Variants in ST6GAL1 observed in about 807,000 individuals in gnomAD.
ST6GAL1 encodes ST6 beta-galactoside alpha-2,6-sialyltransferase 1, also known as beta-galactoside alpha-2,6-sialyltransferase 1.
A neutral mutation model predicts 38.0 loss-of-function variants in ST6GAL1; 20 were observed. The ratio of observed to expected loss-of-function variants is 0.53; its 90% CI spans 0.37 to 0.77. The LOEUF (loss-of-function observed/expected upper bound fraction) is 0.77. Among genes scored for constraint, ST6GAL1 ranks in the 30% least tolerant of loss-of-function variants. The pLI, the probability that ST6GAL1 is intolerant of heterozygous loss-of-function variation, is 0.00. For synonymous variants in ST6GAL1, 196 were observed against 188.2 expected, an observed-to-expected ratio of 1.04 and a Z score of -0.34; for missense variants, 432 against 496.4, an observed-to-expected ratio of 0.87 and a Z score of 1.23.
intron 2 of ST6GAL1, among the ~76,000 whole-genome samples, chr3:187,007,151 A>G (rs1560160389): frequency 6.6e-6 from 1 of 152,234 alleles, no homozygotes; most frequent in African/African-American, 2.4e-5. Context: ...CACGATGAAC[A>G]TGGATTTGCA....
At position 187,064,576 on chromosome 3, in the gene ST6GAL1, C is replaced by T; in HGVS notation, c.706-8273C>T. 2 of 456,728 alleles carry T rather than the reference C, an allele frequency of 4.4e-6. 1 individual carries two copies. The highest frequency in any genetic ancestry group is 3.1e-5 in the South Asian group (2 of 64,576). The allele number at this position is 456,728 out of a possible 1,614,324, so 28.3% of individuals were successfully genotyped here. A position where few individuals can be genotyped will look rare whatever the true frequency, so the allele number is the denominator to read the frequency against. ...GGAAGGTGGCCCACTTCCCGGGATA[C>T]ACTACCCACCCTCAAGAGAGCCTTT... On this transcript the variant is annotated intron_variant, in intron 5 of 7. Transcript: ENST00000169298.
At chr3:186,943,575 G>T (rs1714255495) in intron 1 of ST6GAL1, among the ~76,000 whole-genome samples, 1 of 152,068 alleles carries the variant, frequency 6.6e-6, no homozygotes, top group African/African-American at 2.4e-5. Context: ...TCAGCCTCCT[G>T]AGTAGCTGGG....
chr3:187,042,683 T>A lies in ST6GAL1; in HGVS notation c.-21T>A, dbSNP rs2108580158. 6.4e-7 allele frequency: 1 copy of A among 1,567,470 alleles called. No individual in the cohort carries two copies. The highest frequency in any genetic ancestry group is 2.2e-5 in the East Asian group (1 of 44,544). Reference sequence around the variant, plus strand: ...GTTTTCCTGCTCAGAACAAAGTGACTTCCCTGAACACATCTTCATTATGAT... The same window carrying A: ...GTTTTCCTGCTCAGAACAAAGTGACATCCCTGAACACATCTTCATTATGAT... On this transcript the variant is annotated 5_prime_UTR_variant, in exon 4 of 8. Coordinates refer to ENST00000169298, the MANE Select transcript of ST6GAL1 (RefSeq NM_173216.2).
At chr3:187,034,227 A>C (rs1413286876) in intron 2 of ST6GAL1, among the ~76,000 whole-genome samples, 1 of 152,190 alleles carries the variant, frequency 6.6e-6, no homozygotes, top group Non-Finnish European at 1.5e-5. Context: ...AAACCTGAAC[A>C]GACCAATATC....
At chr3:186,962,328 G>A (rs1010778362) in intron 1 of ST6GAL1, among the ~76,000 whole-genome samples, 2 of 152,000 alleles carry the variant, frequency 1.3e-5, no homozygotes, top group Admixed American at 6.6e-5. Context: ...CTCTCCTTAC[G>A]AATTGTCATT....
At chr3:187,022,274 A>G (rs1295941702) in intron 2 of ST6GAL1, among the ~76,000 whole-genome samples, 1 of 152,132 alleles carries the variant, frequency 6.6e-6, no homozygotes, top group Admixed American at 6.5e-5. Flanking sequence ...ACATATGGTC[A>G]CATAAGTCAT....
At chr3:186,966,738 T>C (rs1271498808) in intron 2 of ST6GAL1, among the ~76,000 whole-genome samples, 1 of 152,136 alleles carries the variant, frequency 6.6e-6, no homozygotes, top group Non-Finnish European at 1.5e-5. Flanking sequence ...ATTCAGCTGA[T>C]GCCCCAGGAG....
chr3:186,978,559 A>G (rs1215683161), intron 2 of ST6GAL1, among the ~76,000 whole-genome samples: 1 of 152,198 alleles, frequency 6.6e-6, no homozygotes, highest in Non-Finnish European at 1.5e-5. Flanking sequence ...GCCAGAAAAG[A>G]TGGTCTCTGG....
intron 2 of ST6GAL1, among the ~76,000 whole-genome samples, chr3:186,984,833 C>T (rs1263514744): frequency 4.9e-5 from 3 of 60,782 alleles, no homozygotes; most frequent in Non-Finnish European, 6.5e-5. Context: ...CCTTCCCTCC[C>T]TCCCTCCCTC....
intron 5 of ST6GAL1, among the ~76,000 whole-genome samples, chr3:187,067,657 T>A (rs146558498): frequency 6.6e-6 from 1 of 152,104 alleles, no homozygotes; most frequent in Admixed American, 6.6e-5. Context: ...TGTTTTTCCA[T>A]TGGATACAGG....
intron 2 of ST6GAL1, among the ~76,000 whole-genome samples, chr3:186,964,536 T>G (rs6771438): frequency 0.16 from 24,371 of 152,074 alleles, 2,379 homozygotes; most frequent in African/African-American, 0.27. Flanking sequence ...GGTATTCTAT[T>G]AAGGTTACTC....
intron 1 of ST6GAL1, among the ~76,000 whole-genome samples, chr3:186,945,558 G>T (rs537435978): frequency 6.6e-6 from 1 of 152,240 alleles, no homozygotes; most frequent in South Asian, 2.1e-4. Context: ...TTCAAATAGA[G>T]AAGCAAAGCT....
At chr3:186,931,368 G>C (rs1483940550) in intron 1 of ST6GAL1, 1 of 152,340 alleles carries the variant, frequency 6.6e-6, no homozygotes, top group Non-Finnish European at 1.5e-5. Context: ...CCACTTGCTG[G>C]AAGAGGGCGA....
chr3:187,006,840 T>C (rs34647403), intron 2 of ST6GAL1, among the ~76,000 whole-genome samples: 1 of 152,248 alleles, frequency 6.6e-6, no homozygotes, highest in Non-Finnish European at 1.5e-5. Flanking sequence ...CTTTAAGTTT[T>C]ATTCTCAAGA....
chr3:187,066,816 C>T (rs1579379567), intron 5 of ST6GAL1, among the ~76,000 whole-genome samples: 1 of 152,070 alleles, frequency 6.6e-6, no homozygotes, highest in Non-Finnish European at 1.5e-5. Context: ...TCCTCCCCTG[C>T]CCCCTAAGAG....
At chr3:186,986,943 TAC>T (rs778372455) in intron 2 of ST6GAL1, among the ~76,000 whole-genome samples, 4 of 147,926 alleles carry the variant, frequency 2.7e-5, no homozygotes, top group African/African-American at 7.6e-5. Flanking sequence ...TTGCTAAACA[TAC>T]TCAGAACCAA....
At chr3:187,058,300 A>T (rs377093335) in intron 5 of ST6GAL1, among the ~76,000 whole-genome samples, 1 of 152,100 alleles carries the variant, frequency 6.6e-6, no homozygotes, top group Non-Finnish European at 1.5e-5. Flanking sequence ...CATGGGTTGC[A>T]CCCACTGTCC....
intron 2 of ST6GAL1, among the ~76,000 whole-genome samples, chr3:187,001,990 A>T (rs1008826503): frequency 6.6e-6 from 1 of 150,770 alleles, no homozygotes; most frequent in Non-Finnish European, 1.5e-5. Flanking sequence ...CAAAACAAAC[A>T]AACAATGTTT....
chr3:186,987,359 G>T (rs995222332), intron 2 of ST6GAL1, among the ~76,000 whole-genome samples: 4 of 152,174 alleles, frequency 2.6e-5, no homozygotes, highest in Non-Finnish European at 2.9e-5. Flanking sequence ...CCAGTGAAGG[G>T]TATTACATCA....
Sources: allele counts gnomAD v4.1 joint callset (sites outside exome capture counted in the v4.1 genomes callset), GRCh38; gene constraint gnomAD v4.1.1; transcripts MANE v1.5; gene names NCBI Gene and HGNC (gene_info 2026-07-23, HGNC 2026-07-21).